Variants in ALPK1 observed in about 807,000 individuals in gnomAD.
ALPK1 encodes alpha-protein kinase 1.
Under a neutral mutation model 120.6 loss-of-function variants are expected in ALPK1, and 110 were observed. The observed-to-expected ratio is 0.91, with a 90% CI of 0.78 to 1.07. The LOEUF is 1.07. ALPK1 is among the 50% of genes least tolerant of loss of function. The probability of loss-of-function intolerance (pLI) is 0.00; values close to 1 mark genes in which losing one functional copy is unlikely to be tolerated. For synonymous variants in ALPK1, 582 were observed against 560.3 expected (o/e 1.04, Z -0.55); for missense variants, 1,498 against 1,483.9 (o/e 1.01, Z -0.16).
rs1732794923 is a variant in ALPK1, at chr4:112,399,127, C to T, written c.277-12700C>T. ...GGTATTTAAACGTGGGATTCATCAT[C>T]AGTGTTGATATTTAAGGCCATGGTA... On this transcript the variant is annotated intron_variant, in intron 4 of 15. Coordinates refer to ENST00000650871, the MANE Select transcript of ALPK1 (RefSeq NM_025144.4). Among the ~76,000 whole-genome samples the T allele has an allele frequency of 2.0e-5, 3 of 152,090 alleles. No homozygotes were observed. In the South Asian group the frequency reaches 6.2e-4, roughly 32 times the overall value.
At chr4:112,364,901 C>T (rs1027378759) in intron 2 of ALPK1, among the ~76,000 whole-genome samples, 1 of 152,134 alleles carries the variant, frequency 6.6e-6, no homozygotes, top group African/African-American at 2.4e-5. Flanking sequence ...GATGGTTTAA[C>T]ATACACAAGT....
intron 2 of ALPK1, among the ~76,000 whole-genome samples, chr4:112,361,794 C>G (rs2079106): frequency 0.34 from 51,154 of 152,130 alleles, 9,598 homozygotes; most frequent in Non-Finnish European, 0.43. Flanking sequence ...AAAACCGGTG[C>G]ACTAAACAAA....
intron 1 of ALPK1, among the ~76,000 whole-genome samples, chr4:112,313,872 G>A (rs544800492): frequency 6.6e-6 from 1 of 152,304 alleles, no homozygotes; most frequent in Admixed American, 6.5e-5. Context: ...GAGGTTGGAA[G>A]CTCAAGTAGA....
intron 12 of ALPK1, among the ~76,000 whole-genome samples, chr4:112,436,772 C>T (rs749768370): frequency 2.0e-5 from 3 of 152,198 alleles, no homozygotes; most frequent in South Asian, 2.1e-4. Context: ...CTGTTATTTA[C>T]GCCACCCAGT....
chr4:112,410,257 GACA>G (rs1331123665), intron 4 of ALPK1, among the ~76,000 whole-genome samples: 5 of 152,102 alleles, frequency 3.3e-5, no homozygotes, highest in African/African-American at 1.2e-4. Context: ...ATAGAGTCAG[GACA>G]ACAAGGGAGC....
chr4:112,320,078 A>C (rs1728801690), intron 2 of ALPK1, among the ~76,000 whole-genome samples: 1 of 152,162 alleles, frequency 6.6e-6, no homozygotes, highest in Non-Finnish European at 1.5e-5. Flanking sequence ...TTCCAGTGCT[A>C]TGTTGAATAG....
chr4:112,341,326 C>G (rs77464921), intron 2 of ALPK1, among the ~76,000 whole-genome samples: 1 of 152,182 alleles, frequency 6.6e-6, no homozygotes. Flanking sequence ...CTCTGCTGCT[C>G]GTTAGGCCTT....
intron 4 of ALPK1, among the ~76,000 whole-genome samples, chr4:112,404,084 C>T (rs1041683941): frequency 5.3e-5 from 8 of 152,202 alleles, no homozygotes; most frequent in African/African-American, 1.9e-4. Context: ...TTTTCCTTTT[C>T]CTTTCTCAGT....
rs199980924 is a variant in ALPK1 at position 112,324,489 on chromosome 4, G to T, written c.-101+8637G>T. 3.5e-3 allele frequency among the ~76,000 whole-genome samples: 528 copies of T among 152,034 alleles called. 6 individuals carry two copies. The highest frequency in any genetic ancestry group is 0.028 in the East Asian group (145 of 5,174). On this transcript the variant is annotated intron_variant, in intron 2 of 15. Coordinates refer to ENST00000650871, the MANE Select transcript of ALPK1 (RefSeq NM_025144.4). ...GTTTGTTTTGTTTTGTTTTGTTTTT[G>T]TTTTTTCAGACAGGGTCTAACTCTA...
chr4:112,358,952 T>G, intron 2 of ALPK1: 5 of 769,102 alleles, frequency 6.5e-6, no homozygotes, highest in Non-Finnish European at 1.2e-5. Flanking sequence ...TCTACCAGTT[T>G]GTGCAGCCCC....
At chr4:112,418,893 T>C (rs911919235) in intron 5 of ALPK1, among the ~76,000 whole-genome samples, 6 of 152,226 alleles carry the variant, frequency 3.9e-5, no homozygotes, top group African/African-American at 1.4e-4. Flanking sequence ...CTGCTTCTAT[T>C]TGATACTTCC....
chr4:112,369,348 G>T (rs2148721654), intron 2 of ALPK1, among the ~76,000 whole-genome samples: 1 of 152,298 alleles, frequency 6.6e-6, no homozygotes, highest in East Asian at 1.9e-4. Flanking sequence ...ATCAGTGCAA[G>T]AGGCAATATG....
rs762385585 is a variant in ALPK1, at chr4:112,431,084, C to G, written c.1537C>G (p.Gln513Glu). 6.2e-7 allele frequency: 1 copy of G among 1,614,142 alleles called. No individual in the cohort carries two copies. The change falls in exon 11 of 16, where the codon CAA (glutamine) becomes GAA (glutamate). Residue 513 changes from glutamine (Q) to glutamate (E), a missense_variant. Coordinates refer to ENST00000650871, the MANE Select transcript of ALPK1 (RefSeq NM_025144.4). ...TACTACTCAAGAAAAGCCACATTGT[C>G]AAAGAGACACAGGAATATCTTCCTC... The part of the protein sequence containing the change: ...VSTTQEKPHC[Q>E]RDTGISSSLM...
At chr4:112,398,079 C>T (rs972242481) in intron 4 of ALPK1, among the ~76,000 whole-genome samples, 1 of 152,058 alleles carries the variant, frequency 6.6e-6, no homozygotes. Context: ...GAATAGGTGA[C>T]TGGAGCCCAG....
intron 2 of ALPK1, among the ~76,000 whole-genome samples, chr4:112,374,799 T>G (rs1190143687): frequency 4.6e-5 from 7 of 152,188 alleles, no homozygotes; most frequent in African/African-American, 1.7e-4. Flanking sequence ...AGCAGTAATA[T>G]TTTGAAGGAA....
chr4:112,404,822 A>G (rs1038263798), intron 4 of ALPK1, among the ~76,000 whole-genome samples: 1 of 152,220 alleles, frequency 6.6e-6, no homozygotes, highest in African/African-American at 2.4e-5. Context: ...TTAGGAAATA[A>G]TTTGATCCTT....
chr4:112,349,078 G>A (rs1247160239), intron 2 of ALPK1, among the ~76,000 whole-genome samples: 1 of 151,782 alleles, frequency 6.6e-6, no homozygotes, highest in Non-Finnish European at 1.5e-5. Flanking sequence ...CTTGTTTTAA[G>A]CAAATGAAAT....
At position 112,431,323 on chromosome 4, in the gene ALPK1, T is replaced by C. The variant is rs756615884; in HGVS notation, c.1776T>C (p.Ser592=). Reference sequence around the variant, plus strand: ...GCAACTTATCAGGGTTTAGTTCCTCTGCAAGCTGGGAGGAAGTGAATTATC... The same window carrying C: ...GCAACTTATCAGGGTTTAGTTCCTCCGCAAGCTGGGAGGAAGTGAATTATC... ...AWSNLSGFSS[S]ASWEEVNYHV... The change falls in exon 11 of 16, where the codon TCT becomes TCC. Residue 592 remains serine, a synonymous_variant. Coordinates refer to ENST00000650871, the MANE Select transcript of ALPK1 (RefSeq NM_025144.4). The C allele has an allele frequency of 1.2e-6, 2 of 1,614,206 alleles. No homozygotes were observed. Among genetic ancestry groups the C allele is most frequent in the South Asian group, 2.2e-5 (2 of 91,082 alleles).
intron 4 of ALPK1, among the ~76,000 whole-genome samples, chr4:112,405,730 C>A (rs1404762448): frequency 1.3e-5 from 2 of 152,214 alleles, no homozygotes; most frequent in East Asian, 3.9e-4. Flanking sequence ...CATGCCCCAC[C>A]ACACCTGGCT....
Sources: gnomAD v4.1 joint callset for allele counts (sites outside exome capture counted in the v4.1 genomes callset) on GRCh38, gnomAD v4.1.1 for gene constraint, MANE v1.5 for transcripts, NCBI Gene and HGNC (gene_info 2026-07-23, HGNC 2026-07-21) for gene names.